The following PCDHGA2 variants were observed in gnomAD, a reference collection of about 807,000 sequenced individuals.
PCDHGA2 encodes protocadherin gamma-A2.
PCDHGA2 carries 40 observed loss-of-function variants against 59.2 expected under a neutral mutation model. That is an observed-to-expected ratio of 0.68 (90% CI 0.52 to 0.88). PCDHGA2 has a LOEUF of 0.88. Ranked by LOEUF, PCDHGA2 falls within the 40% of genes least tolerant of loss-of-function variation. PCDHGA2 has a pLI of 0.00. For missense variants in PCDHGA2, 1,226 were observed against 1,204.0 expected, an observed-to-expected ratio of 1.02 and a Z score of -0.27; for synonymous variants, 560 against 526.0, an observed-to-expected ratio of 1.06 and a Z score of -0.89.
At chr5:141,389,813 C>T (rs575968401) in intron 1 of PCDHGA2, 18 of 1,613,844 alleles carry the variant, frequency 1.1e-5, no homozygotes, top group South Asian at 2.2e-5. Flanking sequence ...TTCTGGTCGC[C>T]GTGCGTGACG....
chr5:141,505,616 C>A, intron 3 of PCDHGA2, 135 bp downstream of exon 3: 1 of 1,503,160 alleles, frequency 6.7e-7, no homozygotes. Flanking sequence ...CTGAAAGGAC[C>A]CACAATTCCA....
At chr5:141,441,831 C>T in intron 1 of PCDHGA2, 3 of 352,742 alleles carry the variant, frequency 8.5e-6, no homozygotes, top group South Asian at 7.2e-5. Context: ...AGCGCAATGG[C>T]TTCGCGCTCT....
chr5:141,375,629 G>A (rs567513392), intron 1 of PCDHGA2: 3 of 1,614,192 alleles, frequency 1.9e-6, no homozygotes, highest in Admixed American at 1.7e-5. Flanking sequence ...GATTCTGTAC[G>A]CCCTGCGCTC....
chr5:141,494,234 A>G (rs1299510042), intron 1 of PCDHGA2, among the ~76,000 whole-genome samples: 1 of 152,138 alleles, frequency 6.6e-6, no homozygotes, highest in Non-Finnish European at 1.5e-5. Context: ...CTAAATTAAT[A>G]ATGTATTTAG....
chr5:141,477,835 T>G lies in PCDHGA2; in HGVS notation c.2425-16972T>G. ...CCCAGGTCCTATATCCTCGGCCAGG[T>G]GGGAGCTCGGTGGAGATGCTGCCTC... On this transcript the variant is annotated intron_variant, in intron 1 of 3. Coordinates refer to ENST00000394576, the MANE Select transcript of PCDHGA2 (RefSeq NM_018915.4). This position sits in a 1 kb window ranked among gnomAD's most constrained non-coding sequence, Gnocchi z 4.9. The G allele has an allele frequency of 6.2e-7, 1 of 1,614,090 alleles. No individual in the cohort carries two copies. Among genetic ancestry groups the G allele is most frequent in the South Asian group, 1.1e-5 (1 of 91,072 alleles).
intron 1 of PCDHGA2, among the ~76,000 whole-genome samples, chr5:141,451,719 TA>T (rs2098722539): frequency 6.6e-6 from 1 of 152,016 alleles, no homozygotes; most frequent in Non-Finnish European, 1.5e-5. Flanking sequence ...CTGCCTCTAC[TA>T]AAAATACAAA....
In PCDHGA2 at chr5:141,376,000, G is replaced by A. The variant is rs771269314; in HGVS notation, c.2424+34605G>A. The A allele has an allele frequency of 1.4e-5, 22 of 1,613,334 alleles. No individual in the cohort carries two copies. In the Admixed American group the frequency reaches 3.3e-4, roughly 24 times the overall value. On this transcript the variant is annotated intron_variant, in intron 1 of 3. Transcript: ENST00000394576. Reference sequence around the variant, plus strand: ...CCCTGCTGGACAGAGACGCGCTCAAGCAGAGCCTAGTGGTGGCCGTCCAGG... The same window carrying A: ...CCCTGCTGGACAGAGACGCGCTCAAACAGAGCCTAGTGGTGGCCGTCCAGG...
intron 1 of PCDHGA2, chr5:141,355,570 A>G: frequency 6.2e-7 from 1 of 1,614,018 alleles, no homozygotes; most frequent in Non-Finnish European, 8.5e-7. Context: ...GGTGGAAATA[A>G]TCGATGTTAA....
Position 141,404,312 on chromosome 5 carries a change from C to T in PCDHGA2, c.2424+62917C>T. On this transcript the variant is annotated intron_variant, in intron 1 of 3. Transcript: ENST00000394576. ...CAATGATAATCCACCTGCTTTCTCT[C>T]AAGCCTCCTACTCAGTCTACCTCCC... is the stretch of plus-strand genomic sequence containing the variant. 1.9e-6 allele frequency: 3 copies of T among 1,613,956 alleles called. No individual in the cohort carries two copies. The Middle Eastern group carries it at 4.9e-4, about 266-fold the overall frequency.
rs1439461935 is a variant in PCDHGA2 at position 141,511,976 on chromosome 5, G to A, written c.*803G>A. ...ATAAGGAAGGGAAGTGTGTGGATGT[G>A]GATGGTGGGGGCATGGACAAAGCTT... is the stretch of plus-strand genomic sequence containing the variant. On this transcript the variant is annotated 3_prime_UTR_variant, in exon 4 of 4. Coordinates refer to ENST00000394576, the MANE Select transcript of PCDHGA2 (RefSeq NM_018915.4). 6.5e-6 allele frequency: 1 copy of A among 153,384 alleles called. No homozygotes were observed. Among genetic ancestry groups the A allele is most frequent in the Non-Finnish European group, 1.5e-5 (1 of 68,664 alleles). 9.5% of individuals were successfully genotyped at this position (153,384 alleles called of 1,614,324 possible).
chr5:141,355,215 T>C (rs759941889), intron 1 of PCDHGA2: 19 of 1,603,386 alleles, frequency 1.2e-5, no homozygotes, highest in Non-Finnish European at 1.5e-5. Context: ...CGGCGCCTCC[T>C]GCTCGCCCAG....
At chr5:141,373,805 GAT>G in intron 1 of PCDHGA2, 2 of 337,732 alleles carry the variant, frequency 5.9e-6, no homozygotes, top group African/African-American at 2.1e-5. Context: ...TCCTCTGTGT[GAT>G]AGTTTCACAA....
chr5:141,418,085 A>C lies in PCDHGA2; in HGVS notation c.2424+76690A>C, dbSNP rs1235378254. On this transcript the variant is annotated intron_variant, in intron 1 of 3. Transcript: ENST00000394576. The stretch of plus-strand genomic sequence containing the variant: ...AGTGAGCGCGGAGAAGCTGCACTTC[A>C]GCGTAGACGCGCAGAGCGGGGACTT... The C allele has an allele frequency of 2.5e-6, 4 of 1,613,936 alleles. No homozygotes were observed. The highest frequency in any genetic ancestry group is 3.4e-6 in the Non-Finnish European group (4 of 1,179,908).
chr5:141,383,658 G>A, intron 1 of PCDHGA2: 1 of 1,614,036 alleles, frequency 6.2e-7, no homozygotes, highest in Admixed American at 1.7e-5. Context: ...CTGTCCCCGA[G>A]AATGTGCCAG....
intron 1 of PCDHGA2, among the ~76,000 whole-genome samples, chr5:141,453,061 T>G (rs1351911724): frequency 6.6e-6 from 1 of 152,102 alleles, no homozygotes; most frequent in Non-Finnish European, 1.5e-5. Context: ...AGTTTTAGAG[T>G]TTTGCCACAC....
intron 1 of PCDHGA2, chr5:141,375,635 C>A (rs776372663): frequency 2.4e-5 from 38 of 1,614,094 alleles, no homozygotes; most frequent in Non-Finnish European, 3.1e-5. Flanking sequence ...GTACGCCCTG[C>A]GCTCCTTCGA....
chr5:141,363,364 A>T (rs1230836148), intron 1 of PCDHGA2, among the ~76,000 whole-genome samples: 1 of 152,174 alleles, frequency 6.6e-6, no homozygotes, highest in Non-Finnish European at 1.5e-5. Flanking sequence ...CATTTTTTTC[A>T]ATCAAGAGGT....
chr5:141,371,597 A>T (rs982667859), intron 1 of PCDHGA2: 1 of 1,613,908 alleles, frequency 6.2e-7, no homozygotes, highest in African/African-American at 1.3e-5. Context: ...CCAAAAACAC[A>T]TACAGGTTGG....
intron 1 of PCDHGA2, chr5:141,357,754 G>T (rs1339262267): frequency 9.2e-6 from 10 of 1,082,578 alleles, no homozygotes; most frequent in Non-Finnish European, 1.3e-5. Context: ...AAGAAAACTG[G>T]TGGATGACCT....
Sources: gnomAD v4.1 joint callset for allele counts (sites outside exome capture counted in the v4.1 genomes callset) on GRCh38, gnomAD v4.1.1 for gene constraint, Gnocchi (gnomAD v3.1) non-coding constraint, MANE v1.5 for transcripts, NCBI Gene and HGNC (gene_info 2026-07-23, HGNC 2026-07-21) for gene names.